Variants in FAM120B observed in about 807,000 individuals in gnomAD.
FAM120B encodes constitutive coactivator of peroxisome proliferator-activated receptor gamma.
In FAM120B, 83 loss-of-function variants were observed where a neutral mutation model predicts 96.3. The observed-to-expected ratio is 0.86, with a 90% CI of 0.72 to 1.03. FAM120B has a LOEUF of 1.03. Ranked by LOEUF, FAM120B falls within the 50% of genes least tolerant of loss-of-function variation. The probability of loss-of-function intolerance (pLI) is 0.00; values close to 1 mark genes in which losing one functional copy is unlikely to be tolerated. For missense variants in FAM120B, 1,027 were observed against 1,121.2 expected (o/e 0.92, Z 1.20); for synonymous variants, 407 against 402.7 (o/e 1.01, Z -0.13).
intron 8 of FAM120B, among the ~76,000 whole-genome samples, chr6:170,392,591 T>C (rs1286472502): frequency 1.3e-5 from 2 of 152,250 alleles, no homozygotes; most frequent in Non-Finnish European, 2.9e-5. Flanking sequence ...CCTCCTTCAG[T>C]TCATGTTTAC....
intron 3 of FAM120B, among the ~76,000 whole-genome samples, chr6:170,327,582 G>A (rs1224660327): frequency 6.6e-6 from 1 of 151,638 alleles, no homozygotes; most frequent in East Asian, 1.9e-4. Flanking sequence ...TGAGTGGGAA[G>A]ACCAGGATAT....
intron 1 of FAM120B, among the ~76,000 whole-genome samples, chr6:170,309,600 T>C (rs1202425341): frequency 6.6e-6 from 1 of 152,264 alleles, no homozygotes; most frequent in African/African-American, 2.4e-5. Context: ...CGTATATATC[T>C]ACACACTAGG....
At chr6:170,393,174 C>T (rs964879231) in intron 8 of FAM120B, among the ~76,000 whole-genome samples, 1 of 149,950 alleles carries the variant, frequency 6.7e-6, no homozygotes, top group African/African-American at 2.4e-5. Context: ...AAAGTCTGCA[C>T]TGCATACACA....
At chr6:170,319,324 G>A (rs1785142448) in intron 2 of FAM120B, among the ~76,000 whole-genome samples, 200 bp downstream of exon 2, 1 of 152,192 alleles carries the variant, frequency 6.6e-6, no homozygotes, top group South Asian at 2.1e-4. Context: ...GAATATTATA[G>A]AAAAGTGCTA....
At chr6:170,313,595 T>C (rs769195052) in intron 1 of FAM120B, among the ~76,000 whole-genome samples, 18 of 152,268 alleles carry the variant, frequency 1.2e-4, no homozygotes, top group Non-Finnish European at 2.2e-4. Context: ...TGATGTTATA[T>C]GCTAGTTTGT....
At chr6:170,330,226 G>A (rs1785922703) in intron 3 of FAM120B, among the ~76,000 whole-genome samples, 1 of 152,202 alleles carries the variant, frequency 6.6e-6, no homozygotes, top group Admixed American at 6.5e-5. Context: ...ATTATCCTGA[G>A]GATTTTGTCG....
At chr6:170,375,749 T>TGTGG (rs1789471602) in intron 6 of FAM120B, among the ~76,000 whole-genome samples, 1 of 152,110 alleles carries the variant, frequency 6.6e-6, no homozygotes, top group Non-Finnish European at 1.5e-5. Context: ...GGGCGAGAAC[T>TGTGG]GCATAGGAGA....
chr6:170,333,423 A>T (rs1786197680), intron 4 of FAM120B, among the ~76,000 whole-genome samples: 1 of 151,478 alleles, frequency 6.6e-6, no homozygotes, highest in Admixed American at 6.6e-5. Context: ...TACCTAATTT[A>T]TGGTGTTTTG....
In FAM120B at chr6:170,370,044, CT is replaced by C. The variant is rs1789079882; in HGVS notation, c.2283+11732del. ...AATTTCAATTTTACAAAAAATGTAC[CT>C]TTTTTGAATATAGCAATCTAATTTC... On this transcript the variant is annotated intron_variant, in intron 6 of 10. Coordinates refer to ENST00000476287, the MANE Select transcript of FAM120B (RefSeq NM_032448.3). This position sits in a 1 kb window ranked among gnomAD's most constrained non-coding sequence, Gnocchi z 4.3. Among the ~76,000 whole-genome samples the C allele has an allele frequency of 6.6e-6, 1 of 152,076 alleles. No individual in the cohort carries two copies. Among genetic ancestry groups the C allele is most frequent in the African/African-American group, 2.4e-5 (1 of 41,398 alleles).
chr6:170,326,985 TC>T (rs1428008301), intron 3 of FAM120B, among the ~76,000 whole-genome samples: 1 of 151,798 alleles, frequency 6.6e-6, no homozygotes, highest in Non-Finnish European at 1.5e-5. Flanking sequence ...CCTCAAGATA[TC>T]CCCCACGTCA....
At chr6:170,404,636 G>A in intron 10 of FAM120B, 35 bp downstream of exon 10, 3 of 1,475,954 alleles carry the variant, frequency 2.0e-6, no homozygotes, top group Non-Finnish European at 2.8e-6. Flanking sequence ...GAAGAAATCA[G>A]TCACATGTCT....
chr6:170,348,220 C>T lies in FAM120B; in HGVS notation c.2087C>T (p.Thr696Ile). ...EPEIQVRRLDTLLACFNLSSS... is the reference protein window; with the variant it reads ...EPEIQVRRLDILLACFNLSSS... ...GAAATACAGGTTCGGCGCTTGGACACACTCCTAGCCTGTTTCAATCTTTCC... is the reference window on the plus strand; with the variant it reads ...GAAATACAGGTTCGGCGCTTGGACATACTCCTAGCCTGTTTCAATCTTTCC... Residue 696 changes from threonine (T) to isoleucine (I), a missense_variant, in exon 5 of 11, where the codon ACA becomes ATA. Transcript: ENST00000476287. 1.2e-6 allele frequency: 2 copies of T among 1,614,054 alleles called. No individual in the cohort carries two copies. Among genetic ancestry groups the T allele is most frequent in the Middle Eastern group, 1.7e-4 (1 of 6,058 alleles).
chr6:170,371,152 C>A (rs1157302439), intron 6 of FAM120B, among the ~76,000 whole-genome samples: 1 of 152,128 alleles, frequency 6.6e-6, no homozygotes, highest in Non-Finnish European at 1.5e-5. Context: ...CCAGCCCCAG[C>A]CCCACACTCC....
rs1047694697 is a variant in FAM120B, at chr6:170,363,635, G to A, written c.2283+5317G>A. On this transcript the variant is annotated intron_variant, in intron 6 of 10. Transcript: ENST00000476287. The surrounding 1 kb of genome is among the most constrained non-coding windows in gnomAD (Gnocchi z 4.5). ...AGTTTTTACTTTATTTTGATTACAG[G>A]ATCATAACAATAAAGTAATTCTGGA... Among the ~76,000 whole-genome samples, 11 of 152,232 alleles carry A rather than the reference G, an allele frequency of 7.2e-5. No homozygotes were observed. Among genetic ancestry groups the A allele is most frequent in the Non-Finnish European group, 1.5e-4 (10 of 68,040 alleles).
rs139664408 is a variant in FAM120B at position 170,322,535 on chromosome 6, G to C, written c.1735-544G>C. Among the ~76,000 whole-genome samples the C allele has an allele frequency of 3.0e-3, 453 of 152,302 alleles. 1 individual carries two copies. Among genetic ancestry groups the C allele is most frequent in the African/African-American group, 0.01 (436 of 41,558 alleles). ...TTGAGTACTCTTGAGGAGCAATGAA[G>C]ATGTTCTGTTGAGACTGAATTATGG... On this transcript the variant is annotated intron_variant, in intron 2 of 10. Transcript: ENST00000476287.
At chr6:170,308,905 G>A (rs1354416892) in intron 1 of FAM120B, among the ~76,000 whole-genome samples, 3 of 152,246 alleles carry the variant, frequency 2.0e-5, no homozygotes, top group Non-Finnish European at 2.9e-5. Flanking sequence ...AGTGTCAGGA[G>A]GGAGATGTCA....
At chr6:170,314,833 G>C (rs181182444) in intron 1 of FAM120B, among the ~76,000 whole-genome samples, 5 of 152,334 alleles carry the variant, frequency 3.3e-5, no homozygotes, top group African/African-American at 1.2e-4. Flanking sequence ...AATATCACAA[G>C]TTCCCAAAAC....
intron 6 of FAM120B, among the ~76,000 whole-genome samples, chr6:170,361,240 G>GTA (rs559476953): frequency 0.017 from 710 of 42,616 alleles, 18 homozygotes; most frequent in Non-Finnish European, 0.021. Flanking sequence ...ATATATACAC[G>GTA]TATATATATA....
chr6:170,348,382 C>A, intron 5 of FAM120B, 59 bp downstream of exon 5: 1 of 1,492,878 alleles, frequency 6.7e-7, no homozygotes, highest in Non-Finnish European at 9.2e-7. Context: ...TGAGAGGGAG[C>A]ATGTGGGATA....
Sources: gnomAD v4.1 joint callset for allele counts (sites outside exome capture counted in the v4.1 genomes callset) on GRCh38, gnomAD v4.1.1 for gene constraint, Gnocchi (gnomAD v3.1) non-coding constraint, MANE v1.5 for transcripts, NCBI Gene and HGNC (gene_info 2026-07-23, HGNC 2026-07-21) for gene names.